The following TOP2A variants were observed in gnomAD, a reference collection of about 807,000 sequenced individuals.
TOP2A encodes DNA topoisomerase 2-alpha.
Under a neutral mutation model 187.2 loss-of-function variants are expected in TOP2A, and 68 were observed. That is an observed-to-expected ratio of 0.36 (90% confidence interval 0.30 to 0.44). The LOEUF (loss-of-function observed/expected upper bound fraction) is 0.44. Ranked by LOEUF, TOP2A falls within the 20% of genes least tolerant of loss-of-function variation. TOP2A has a pLI of 1.00. For missense variants in TOP2A, 1,196 were observed against 1,808.7 expected, an observed-to-expected ratio of 0.66 and a Z score of 6.14; for synonymous variants, 542 against 593.2, an observed-to-expected ratio of 0.91 and a Z score of 1.25.
chr17:40,412,563 G>T (rs898592915), intron 7 of TOP2A, among the ~76,000 whole-genome samples, 196 bp downstream of exon 7: 6 of 152,188 alleles, frequency 3.9e-5, no homozygotes. Flanking sequence ...AGAATTGCGT[G>T]AACCTGGGAG....
At chr17:40,413,151 C>T (rs2035344598) in intron 6 of TOP2A, 44 bp downstream of exon 6, 20 of 1,409,918 alleles carry the variant, frequency 1.4e-5, no homozygotes, top group East Asian at 2.5e-5. Flanking sequence ...AATGGCTATA[C>T]TACTACCATT....
intron 4 of TOP2A, among the ~76,000 whole-genome samples, chr17:40,414,915 A>G (rs2035371782): frequency 6.6e-6 from 1 of 151,804 alleles, no homozygotes; most frequent in Non-Finnish European, 1.5e-5. Context: ...GCTCTCAAAT[A>G]AAATGCTGAA....
intron 16 of TOP2A, among the ~76,000 whole-genome samples, chr17:40,405,579 G>A (rs1312887263): frequency 2.8e-5 from 4 of 145,132 alleles, no homozygotes; most frequent in Non-Finnish European, 6.0e-5. Flanking sequence ...CTCAGCCTCC[G>A]GAGTAGCTGG....
At chr17:40,395,400 C>T in intron 29 of TOP2A, 49 bp downstream of exon 29, 1 of 1,279,924 alleles carries the variant, frequency 7.8e-7, no homozygotes, top group Non-Finnish European at 1.1e-6. Flanking sequence ...AGGTAACAAA[C>T]ACAATTTAAT....
chr17:40,404,568 A>G, intron 17 of TOP2A, 77 bp from the exon 18 acceptor site: 1 of 838,814 alleles, frequency 1.2e-6, no homozygotes, highest in South Asian at 1.7e-5. Flanking sequence ...GAAACCTTTC[A>G]GAACTAAGAA....
chr17:40,409,916 C>T, intron 10 of TOP2A: 1 of 172,542 alleles, frequency 5.8e-6, no homozygotes, highest in South Asian at 1.1e-4. Flanking sequence ...CCTGTCTCTA[C>T]TGAAAATACA....
At chr17:40,413,088 C>CTTATAAAT in intron 6 of TOP2A, 107 bp downstream of exon 6, 1 of 1,275,856 alleles carries the variant, frequency 7.8e-7, no homozygotes, top group Non-Finnish European at 1.1e-6. Context: ...ATTTTCCATA[C>CTTATAAAT]TTCAATAGCT....
At chr17:40,393,150 C>T (rs754580810) in intron 29 of TOP2A, among the ~76,000 whole-genome samples, 1 of 151,782 alleles carries the variant, frequency 6.6e-6, no homozygotes, top group Non-Finnish European at 1.5e-5. Context: ...GGCAAAACCC[C>T]ATCTCTACAA....
intron 10 of TOP2A, chr17:40,409,701 AC>A: frequency 4.7e-6 from 1 of 214,784 alleles, no homozygotes. Flanking sequence ...AATCGCTTGA[AC>A]CTGGGAGGCA....
chr17:40,392,011 T>C, intron 32 of TOP2A, 57 bp downstream of exon 32: 1 of 1,557,070 alleles, frequency 6.4e-7, no homozygotes, highest in East Asian at 2.2e-5. Context: ...TAGAACCCAG[T>C]TGGATCTGAG....
intron 29 of TOP2A, among the ~76,000 whole-genome samples, chr17:40,394,142 A>AAAG (rs889600249): frequency 8.5e-5 from 13 of 152,114 alleles, no homozygotes; most frequent in Non-Finnish European, 2.9e-5. Flanking sequence ...TGTGTTAAGT[A>AAAG]AAGAAGTCAG....
At chr17:40,417,040 A>C in intron 1 of TOP2A, 145 bp from the exon 2 acceptor site, 1 of 725,924 alleles carries the variant, frequency 1.4e-6, no homozygotes, top group South Asian at 2.0e-5. Context: ...AGTTTTGTAC[A>C]AATAGGACAA....
At chr17:40,408,253 G>C (rs1391437800) in intron 11 of TOP2A, 129 bp from the exon 12 acceptor site, 1 of 809,836 alleles carries the variant, frequency 1.2e-6, no homozygotes, top group Non-Finnish European at 1.9e-6. Context: ...TTATTTGTTA[G>C]GTAATAGATC....
Position 40,400,987 on chromosome 17 carries a change from G to A in TOP2A, c.2527C>T (p.Pro843Ser), listed in dbSNP as rs2143649494. The A allele has an allele frequency of 6.2e-7, 1 of 1,613,874 alleles. No homozygotes were observed. The highest frequency in any genetic ancestry group is 2.2e-5 in the East Asian group (1 of 44,874). ...NQRVEPEWYIPIIPMVLINGA... is the reference protein window; with the variant it reads ...NQRVEPEWYISIIPMVLINGA... Reference sequence around the variant, plus strand: ...TTTATCAGCACCATGGGAATAATAGGAATGTACCATTCAGGCTCAACACGC... The same window carrying A: ...TTTATCAGCACCATGGGAATAATAGAAATGTACCATTCAGGCTCAACACGC... Residue 843 changes from proline to serine, a missense_variant, in exon 21 of 35, where the codon CCT becomes TCT. Physicochemically the swap from Pro to Ser is moderately conservative, Grantham distance 74 (BLOSUM62 -1). This residue lies in a region of TOP2A where 209 missense variants were observed against 376.9 expected (regional missense o/e 0.55). Transcript: ENST00000423485.
intron 10 of TOP2A, 91 bp from the exon 11 acceptor site, chr17:40,408,721 A>G: frequency 7.5e-7 from 1 of 1,324,898 alleles, no homozygotes; most frequent in Non-Finnish European, 1.1e-6. Context: ...AATACAAATA[A>G]AAATGATTCA....
intron 5 of TOP2A, 84 bp downstream of exon 5, chr17:40,413,396 T>C: frequency 1.4e-6 from 2 of 1,402,374 alleles, no homozygotes; most frequent in South Asian, 1.4e-5. Flanking sequence ...TTTATTTCCA[T>C]ATCTTTAACC....
rs34209857 is a variant in TOP2A, at chr17:40,412,819, T to C, written c.729A>G (p.Ala243=). The part of the protein sequence containing the change: ...KDIVALMVRR[A]YDIAGSTKDV... ...CTTTGGTGGATCCAGCAATATCATA[T>C]GCTCTTCTGACCATTAGTGCAACAA... The change falls in exon 7 of 35, where the codon GCA becomes GCG. Residue 243 remains alanine (A), a synonymous_variant. Transcript: ENST00000423485. 1,695 of 1,614,026 alleles carry C rather than the reference T, an allele frequency of 1.1e-3. 19 individuals are homozygous for C. In the African/African-American group the frequency reaches 0.016, roughly 16 times the overall value.
At chr17:40,415,970 C>T (rs370827334) in intron 4 of TOP2A, 35 bp downstream of exon 4, 99 of 1,426,684 alleles carry the variant, frequency 6.9e-5, no homozygotes, top group African/African-American at 2.0e-4. Context: ...ACAATAGCAA[C>T]GAGCTACATA....
At chr17:40,402,315 G>C (rs779958847) in intron 20 of TOP2A, among the ~76,000 whole-genome samples, 7 of 152,212 alleles carry the variant, frequency 4.6e-5, no homozygotes, top group Non-Finnish European at 1.0e-4. Context: ...TCAGGGGAGA[G>C]ACCAAGACTG....
Sources: gnomAD v4.1 joint callset for allele counts (sites outside exome capture counted in the v4.1 genomes callset) on GRCh38, gnomAD v4.1.1 for gene constraint, gnomAD v4.1.1 regional missense constraint, MANE v1.5 for transcripts, NCBI Gene and HGNC (gene_info 2026-07-23, HGNC 2026-07-21) for gene names.